LRMDA: variants seen among roughly 807,000 people sequenced by gnomAD.
LRMDA encodes leucine rich melanocyte differentiation associated.
Under a neutral mutation model 29.8 loss-of-function variants are expected in LRMDA, and 18 were observed. That is an observed-to-expected ratio of 0.60 (90% confidence interval 0.42 to 0.90). The LOEUF (loss-of-function observed/expected upper bound fraction) is 0.90, where lower values mean the gene tolerates loss of function less well. Ranked by LOEUF, LRMDA falls within the 40% of genes least tolerant of loss-of-function variation. LRMDA has a pLI of 0.00. For missense variants in LRMDA, 273 were observed against 273.9 expected, an observed-to-expected ratio of 1.00 and a Z score of 0.02; for synonymous variants, 125 against 109.4, an observed-to-expected ratio of 1.14 and a Z score of -0.89.
intron 2 of LRMDA, among the ~76,000 whole-genome samples, chr10:75,843,227 T>C (rs1844572712): frequency 6.6e-6 from 1 of 152,250 alleles, no homozygotes; most frequent in African/African-American, 2.4e-5. Context: ...TTGAACATTA[T>C]GGACACAGCT....
chr10:76,086,235 G>A (rs1849133186), intron 5 of LRMDA, among the ~76,000 whole-genome samples: 1 of 152,128 alleles, frequency 6.6e-6, no homozygotes, highest in Non-Finnish European at 1.5e-5. Flanking sequence ...CCCAACTTTT[G>A]GGAAAGAGTT....
rs545331715 is a variant in LRMDA, at chr10:76,557,152, G to C, written c.602-57G>C. The C allele has an allele frequency of 3.6e-6, 5 of 1,391,570 alleles. No homozygotes were observed. The African/African-American group carries it at 7.1e-5, about 20-fold the overall frequency. 86.2% of individuals were successfully genotyped at this position (1,391,570 alleles called of 1,614,324 possible). A position where few individuals can be genotyped will look rare whatever the true frequency, so the allele number is the denominator to read the frequency against. ...TGCATGTCTGCTTTTCAGCACCTGT[G>C]TTTCCCTGCTATGCTAAGTGTGCCA... On this transcript the variant is annotated intron_variant, in intron 6 of 6. Transcript: ENST00000611255.
At chr10:76,021,852 A>G (rs894216569) in intron 2 of LRMDA, among the ~76,000 whole-genome samples, 1 of 152,198 alleles carries the variant, frequency 6.6e-6, no homozygotes, top group Non-Finnish European at 1.5e-5. Context: ...GCAGTCATGG[A>G]AAAATGTATA....
intron 5 of LRMDA, among the ~76,000 whole-genome samples, chr10:76,173,775 C>T (rs1850882126): frequency 6.6e-6 from 1 of 152,172 alleles, no homozygotes; most frequent in Admixed American, 6.5e-5. Context: ...ATTCTCCTGC[C>T]TCAGCCTCCC....
At chr10:76,337,901 TG>T (rs1184695629) in intron 6 of LRMDA, among the ~76,000 whole-genome samples, 1 of 152,202 alleles carries the variant, frequency 6.6e-6, no homozygotes, top group Non-Finnish European at 1.5e-5. Flanking sequence ...TTCATTTTAC[TG>T]CTTACATTGA....
chr10:76,156,732 A>G (rs12764787), intron 5 of LRMDA, among the ~76,000 whole-genome samples: 22,624 of 152,244 alleles, frequency 0.15, 1,969 homozygotes, highest in Non-Finnish European at 0.19. Context: ...CTTAAGGCTC[A>G]TGATAGCTCA....
At chr10:75,768,657 T>C (rs1843200358) in intron 2 of LRMDA, among the ~76,000 whole-genome samples, 1 of 152,224 alleles carries the variant, frequency 6.6e-6, no homozygotes, top group Admixed American at 6.5e-5. Flanking sequence ...GCTTCTGTTA[T>C]ATTAATATAC....
intron 2 of LRMDA, among the ~76,000 whole-genome samples, chr10:75,656,742 T>C (rs1841680428): frequency 6.6e-6 from 1 of 152,218 alleles, no homozygotes; most frequent in South Asian, 2.1e-4. Context: ...ATTAGAATCT[T>C]AATCCTAAAT....
intron 3 of LRMDA, among the ~76,000 whole-genome samples, chr10:76,037,794 ATTTTGGGGAT>A (rs911968342): frequency 1.3e-5 from 2 of 152,194 alleles, no homozygotes; most frequent in African/African-American, 4.8e-5. Flanking sequence ...ACATACCATC[ATTTTGGGGAT>A]TAGAATTTCA....
chr10:75,859,495 T>C (rs1444962923), intron 2 of LRMDA, among the ~76,000 whole-genome samples: 1 of 152,158 alleles, frequency 6.6e-6, no homozygotes, highest in Non-Finnish European at 1.5e-5. Context: ...ATATGTATTG[T>C]CTTTTTTGTT....
intron 2 of LRMDA, among the ~76,000 whole-genome samples, chr10:75,543,386 C>A (rs2132050172): frequency 6.6e-6 from 1 of 152,110 alleles, no homozygotes; most frequent in East Asian, 1.9e-4. Flanking sequence ...TTTGGAATAC[C>A]ACAATACTGT....
At chr10:75,610,654 G>A (rs954603845) in intron 2 of LRMDA, among the ~76,000 whole-genome samples, 7 of 152,158 alleles carry the variant, frequency 4.6e-5, no homozygotes, top group South Asian at 2.1e-4. Flanking sequence ...GCCCATGTTC[G>A]GGTGGCAGAG....
At chr10:75,640,104 T>C (rs1218359709) in intron 2 of LRMDA, among the ~76,000 whole-genome samples, 1 of 152,154 alleles carries the variant, frequency 6.6e-6, no homozygotes, top group Non-Finnish European at 1.5e-5. Flanking sequence ...GAGGGATTAA[T>C]CTTAGGTATG....
intron 5 of LRMDA, among the ~76,000 whole-genome samples, chr10:76,148,781 G>T (rs1335526852): frequency 6.6e-6 from 1 of 152,154 alleles, no homozygotes; most frequent in Non-Finnish European, 1.5e-5. Context: ...CTTCTGTGTT[G>T]CTCACGCTCG....
In LRMDA at chr10:76,557,395, T is replaced by C; in HGVS notation, c.*107T>C. ...AAACAATAGCCCACATTGCCTCTCT[T>C]TGGGAAAAGCTATGACTTCAGCTTT... On this transcript the variant is annotated 3_prime_UTR_variant, in exon 7 of 7. Coordinates refer to ENST00000611255, the MANE Select transcript of LRMDA (RefSeq NM_001305581.2). 1 of 916,162 alleles carries C rather than the reference T, an allele frequency of 1.1e-6. No homozygotes were observed. Among genetic ancestry groups the C allele is most frequent in the African/African-American group, 1.7e-5 (1 of 60,132 alleles). 56.8% of individuals were successfully genotyped at this position (916,162 alleles called of 1,614,324 possible). A position where few individuals can be genotyped will look rare whatever the true frequency, so the allele number is the denominator to read the frequency against.
intron 6 of LRMDA, among the ~76,000 whole-genome samples, chr10:76,367,430 ATT>A (rs34805105): frequency 2.7e-5 from 4 of 148,460 alleles, no homozygotes; most frequent in Admixed American, 6.7e-5. Context: ...TTAATTTTTA[ATT>A]TTTTTTTTTG....
At chr10:75,743,539 A>G (rs1003110301) in intron 2 of LRMDA, 1 of 152,204 alleles carries the variant, frequency 6.6e-6, no homozygotes, top group African/African-American at 2.4e-5. Flanking sequence ...TCGTGGGATA[A>G]AGAATATTTC....
At chr10:76,371,665 G>T (rs1050005220) in intron 6 of LRMDA, among the ~76,000 whole-genome samples, 1 of 152,154 alleles carries the variant, frequency 6.6e-6, no homozygotes, top group Non-Finnish European at 1.5e-5. Flanking sequence ...GCTTGCTACA[G>T]GGGGAGAAGT....
intron 2 of LRMDA, among the ~76,000 whole-genome samples, chr10:75,948,136 C>T (rs1379291727): frequency 6.6e-6 from 1 of 152,216 alleles, no homozygotes; most frequent in Non-Finnish European, 1.5e-5. Context: ...TCCAGCCCCA[C>T]ATTTAATGGT....
Sources: gnomAD v4.1 joint callset for allele counts (sites outside exome capture counted in the v4.1 genomes callset) on GRCh38, gnomAD v4.1.1 for gene constraint, MANE v1.5 for transcripts, NCBI Gene and HGNC (gene_info 2026-07-23, HGNC 2026-07-21) for gene names.